Variants in IMMP2L observed in about 807,000 individuals in gnomAD.
IMMP2L encodes the protein mitochondrial inner membrane protease subunit 2.
In IMMP2L, 18 loss-of-function variants were observed where a neutral mutation model predicts 19.3. The ratio of observed to expected loss-of-function variants is 0.93; its 90% confidence interval spans 0.64 to 1.38. IMMP2L has a LOEUF of 1.38. IMMP2L is among the 40% of genes most tolerant of loss of function. The pLI, the probability that IMMP2L is intolerant of heterozygous loss-of-function variation, is 0.00. For missense variants in IMMP2L, 233 were observed against 218.2 expected (o/e 1.07, Z -0.43); for synonymous variants, 76 against 73.0 (o/e 1.04, Z -0.21).
At chr7:110,676,819 C>T (rs1408033577) in intron 5 of IMMP2L, among the ~76,000 whole-genome samples, 1 of 152,124 alleles carries the variant, frequency 6.6e-6, no homozygotes, top group Non-Finnish European at 1.5e-5. Context: ...CCTGGTACTG[C>T]ACTGACAACA....
chr7:111,061,317 G>A (rs1010731489), intron 3 of IMMP2L, among the ~76,000 whole-genome samples: 2 of 152,198 alleles, frequency 1.3e-5, no homozygotes, highest in African/African-American at 4.8e-5. Context: ...AATGAAGCAG[G>A]AAAGACTAGG....
intron 4 of IMMP2L, among the ~76,000 whole-genome samples, chr7:110,928,395 A>C (rs1815099861): frequency 7.0e-6 from 1 of 143,530 alleles, no homozygotes; most frequent in African/African-American, 2.6e-5. Flanking sequence ...ACACACACAC[A>C]CACACAGTTT....
chr7:110,843,415 A>G (rs1805308135), intron 5 of IMMP2L, among the ~76,000 whole-genome samples: 1 of 152,170 alleles, frequency 6.6e-6, no homozygotes, highest in Non-Finnish European at 1.5e-5. Flanking sequence ...GTCAGTCAAC[A>G]AAGTAGTATA....
At chr7:111,340,463 C>T (rs1826898903) in intron 3 of IMMP2L, among the ~76,000 whole-genome samples, 1 of 151,800 alleles carries the variant, frequency 6.6e-6, no homozygotes, top group Non-Finnish European at 1.5e-5. Flanking sequence ...CAATATGATC[C>T]CTATTTCCTC....
chr7:111,133,310 T>C (rs945327518), intron 3 of IMMP2L, among the ~76,000 whole-genome samples: 1 of 151,940 alleles, frequency 6.6e-6, no homozygotes, highest in Non-Finnish European at 1.5e-5. Context: ...ATTACACATA[T>C]TTGGGGGGAG....
At chr7:110,927,552 G>A (rs1278671345) in intron 4 of IMMP2L, among the ~76,000 whole-genome samples, 1 of 152,048 alleles carries the variant, frequency 6.6e-6, no homozygotes, top group East Asian at 1.9e-4. Context: ...GTAGAAGAAT[G>A]GTCAAGGAGA....
At chr7:111,274,205 A>C (rs1818779127) in intron 3 of IMMP2L, among the ~76,000 whole-genome samples, 1 of 152,178 alleles carries the variant, frequency 6.6e-6, no homozygotes, top group Non-Finnish European at 1.5e-5. Context: ...TCCTACAGGA[A>C]AAATTTACAA....
chr7:111,094,390 C>A (rs1055918666), intron 3 of IMMP2L, among the ~76,000 whole-genome samples: 16 of 152,042 alleles, frequency 1.1e-4, no homozygotes, highest in Non-Finnish European at 1.8e-4. Context: ...TACTTCTAGC[C>A]TCAGTAAGGA....
At chr7:110,719,213 G>C (rs548538170) in intron 5 of IMMP2L, among the ~76,000 whole-genome samples, 1 of 152,138 alleles carries the variant, frequency 6.6e-6, no homozygotes, top group Non-Finnish European at 1.5e-5. Context: ...TAGGAATAAA[G>C]GAAAAGTCAA....
intron 3 of IMMP2L, among the ~76,000 whole-genome samples, chr7:111,061,058 AT>A (rs1347478704): frequency 1.9e-4 from 29 of 152,248 alleles, no homozygotes; most frequent in African/African-American, 6.8e-4. Context: ...GTTTATTTTC[AT>A]GGTTGCATTC....
rs371649415 is a variant in IMMP2L at position 110,791,089 on chromosome 7, GA to G, written c.408+95503del. On this transcript the variant is annotated intron_variant, in intron 5 of 5. Coordinates refer to ENST00000405709, the MANE Select transcript of IMMP2L (RefSeq NM_032549.4). The stretch of plus-strand genomic sequence containing the variant: ...TCATAACATTTACAGATACTGGGGG[GA>G]AAAAATCACACTAAAAATCACAGTG... 6.5e-3 allele frequency among the ~76,000 whole-genome samples: 987 copies of G among 151,464 alleles called. 29 individuals are homozygous for G. Among genetic ancestry groups the G allele is most frequent in the Middle Eastern group, 0.031 (9 of 294 alleles).
intron 5 of IMMP2L, among the ~76,000 whole-genome samples, chr7:110,686,703 G>C (rs1202646546): frequency 6.6e-6 from 1 of 151,866 alleles, no homozygotes; most frequent in Non-Finnish European, 1.5e-5. Flanking sequence ...TTTCTTGCTT[G>C]AATCCATCTG....
chr7:111,561,931 T>C lies in IMMP2L; in HGVS notation c.-83A>G, dbSNP rs536644694. 1 of 152,520 alleles carries C rather than the reference T, an allele frequency of 6.6e-6. No homozygotes were observed. The highest frequency in any genetic ancestry group is 1.9e-4 in the East Asian group (1 of 5,150). 9.4% of individuals were successfully genotyped at this position (152,520 alleles called of 1,614,324 possible). A position where few individuals can be genotyped will look rare whatever the true frequency, so the allele number is the denominator to read the frequency against. ...CCCAATTTGGCCAAAACCCTAAAAG[T>C]AAAAAACGACAGACAGACACGTGCT... is the stretch of plus-strand genomic sequence containing the variant. On this transcript the variant is annotated 5_prime_UTR_variant, in exon 1 of 6. Coordinates refer to ENST00000405709, the MANE Select transcript of IMMP2L (RefSeq NM_032549.4).
intron 3 of IMMP2L, among the ~76,000 whole-genome samples, chr7:111,315,023 AG>A: frequency 6.6e-6 from 1 of 152,300 alleles, no homozygotes; most frequent in Middle Eastern, 3.4e-3. Flanking sequence ...ATATTTTAAA[AG>A]TATACGTGCA....
chr7:111,220,568 G>C (rs1046697857), intron 3 of IMMP2L, among the ~76,000 whole-genome samples: 4 of 146,978 alleles, frequency 2.7e-5, no homozygotes, highest in Middle Eastern at 3.4e-3. Context: ...GGCTTCTCCA[G>C]AGAAACATGA....
chr7:111,242,806 G>T (rs750945876), intron 3 of IMMP2L, among the ~76,000 whole-genome samples: 1 of 151,796 alleles, frequency 6.6e-6, no homozygotes, highest in Non-Finnish European at 1.5e-5. Context: ...AAACAACAGA[G>T]AATTTGTCTA....
At chr7:111,304,670 A>ATGTGTG (rs147788856) in intron 3 of IMMP2L, among the ~76,000 whole-genome samples, 14,939 of 125,854 alleles carry the variant, frequency 0.12, 1,112 homozygotes, top group East Asian at 0.23. Context: ...CACATATATA[A>ATGTGTG]TGTGTGTGTG....
chr7:111,251,416 G>T (rs1185976193), intron 3 of IMMP2L, among the ~76,000 whole-genome samples: 1 of 152,008 alleles, frequency 6.6e-6, no homozygotes, highest in Non-Finnish European at 1.5e-5. Context: ...ATACCCAAAG[G>T]ATTATAAATC....
chr7:111,079,274 C>A (rs1333103128), intron 3 of IMMP2L, among the ~76,000 whole-genome samples: 1 of 75,938 alleles, frequency 1.3e-5, no homozygotes, highest in African/African-American at 2.8e-5. Flanking sequence ...CCCGCCACTA[C>A]GCCCGGCTAA....
Sources: gnomAD v4.1 joint callset for allele counts (sites outside exome capture counted in the v4.1 genomes callset) on GRCh38, gnomAD v4.1.1 for gene constraint, MANE v1.5 for transcripts, NCBI Gene and HGNC (gene_info 2026-07-23, HGNC 2026-07-21) for gene names.